Variants in FHIT observed in about 807,000 individuals in gnomAD.
The protein encoded by FHIT is bis(5'-adenosyl)-triphosphatase.
A neutral mutation model predicts 17.9 loss-of-function variants in FHIT; 19 were observed. The observed-to-expected ratio is 1.06, with a 90% CI of 0.74 to 1.56. The LOEUF is 1.56. Ranked by LOEUF, FHIT falls within the 40% of genes most tolerant of loss-of-function variation. The probability of loss-of-function intolerance (pLI) is 0.00; values close to 1 mark genes in which losing one functional copy is unlikely to be tolerated. For missense variants in FHIT, 248 were observed against 189.2 expected (o/e 1.31, Z -1.82); for synonymous variants, 81 against 69.7 (o/e 1.16, Z -0.81).
At chr3:61,133,801 G>A (rs947708028) in intron 2 of FHIT, among the ~76,000 whole-genome samples, 2 of 152,100 alleles carry the variant, frequency 1.3e-5, no homozygotes, top group Admixed American at 1.3e-4. Flanking sequence ...AGAGGTCAAG[G>A]AGCCAGGCAC....
chr3:61,058,072 C>G (rs1308138057), intron 2 of FHIT, among the ~76,000 whole-genome samples: 1 of 151,916 alleles, frequency 6.6e-6, no homozygotes, highest in Non-Finnish European at 1.5e-5. Flanking sequence ...AAAGACAAAA[C>G]AACACCTACA....
chr3:60,311,487 ACTGTGTTTTTCCAAAC>A (rs1708944334), intron 5 of FHIT, among the ~76,000 whole-genome samples: 4 of 152,160 alleles, frequency 2.6e-5, no homozygotes, highest in African/African-American at 9.7e-5. Context: ...CTATATGGCT[ACTGTGTTTTTCCAAAC>A]ACAAGACTGC....
At chr3:60,692,981 GGAATC>G (rs1553699830) in intron 4 of FHIT, among the ~76,000 whole-genome samples, 1 of 152,128 alleles carries the variant, frequency 6.6e-6, no homozygotes, top group African/African-American at 2.4e-5. Context: ...ACAGCATAAG[GGAATC>G]ACCTGTTGAA....
intron 3 of FHIT, among the ~76,000 whole-genome samples, chr3:60,910,410 C>CTTTT (rs539012384): frequency 7.2e-6 from 1 of 138,138 alleles, no homozygotes; most frequent in Non-Finnish European, 1.6e-5. Flanking sequence ...GTCTTTCTCT[C>CTTTT]TTTTTTTTTT....
intron 5 of FHIT, among the ~76,000 whole-genome samples, chr3:60,523,299 T>C (rs1322920853): frequency 2.0e-5 from 3 of 152,230 alleles, no homozygotes; most frequent in African/African-American, 4.8e-5. Flanking sequence ...ACTTTCCTTT[T>C]ACTACTTCTT....
At chr3:60,820,740 G>A (rs1476245833) in intron 4 of FHIT, among the ~76,000 whole-genome samples, 2 of 152,096 alleles carry the variant, frequency 1.3e-5, no homozygotes, top group Admixed American at 1.3e-4. Flanking sequence ...AAGGAATACA[G>A]TATCTTTGTG....
chr3:61,172,295 G>T (rs1443429424), intron 2 of FHIT, among the ~76,000 whole-genome samples: 1 of 152,118 alleles, frequency 6.6e-6, no homozygotes, highest in Non-Finnish European at 1.5e-5. Flanking sequence ...AAGATGCAGT[G>T]ATCTCTAATG....
At chr3:60,788,044 T>C (rs1454098843) in intron 4 of FHIT, among the ~76,000 whole-genome samples, 1 of 152,210 alleles carries the variant, frequency 6.6e-6, no homozygotes, top group Admixed American at 6.5e-5. Flanking sequence ...GTCCCATGAC[T>C]TCAGTGTTAA....
chr3:60,685,688 G>C (rs2040846567), intron 4 of FHIT, among the ~76,000 whole-genome samples: 1 of 151,958 alleles, frequency 6.6e-6, no homozygotes, highest in Non-Finnish European at 1.5e-5. Flanking sequence ...TCTTTTTACA[G>C]TCTACCTAGA....
In FHIT at chr3:60,548,529, C is replaced by T. The variant is rs547519997; in HGVS notation, c.-17-11550G>A. 3.6e-4 allele frequency among the ~76,000 whole-genome samples: 55 copies of T among 152,254 alleles called. 1 individual carries two copies. The South Asian group carries it at 8.3e-3, about 23-fold the overall frequency. Reference sequence around the variant, plus strand: ...TTCTAATCAACAGATTACCTGAAAACATTTCCATCCCATTTCATGATTTCT... The same window carrying T: ...TTCTAATCAACAGATTACCTGAAAATATTTCCATCCCATTTCATGATTTCT... On this transcript the variant is annotated intron_variant, in intron 4 of 9. Transcript: ENST00000492590.
chr3:60,441,285 T>C (rs948302972), intron 5 of FHIT, among the ~76,000 whole-genome samples: 1 of 152,090 alleles, frequency 6.6e-6, no homozygotes, highest in African/African-American at 2.4e-5. Context: ...AGTTTGACCA[T>C]GTCAATGCAG....
At chr3:60,010,055 T>C (rs1379617634) in intron 7 of FHIT, among the ~76,000 whole-genome samples, 1 of 152,226 alleles carries the variant, frequency 6.6e-6, no homozygotes, top group East Asian at 1.9e-4. Flanking sequence ...GCTGAAGGAA[T>C]TCCATCAAAT....
At chr3:60,142,295 G>A (rs1700070967) in intron 5 of FHIT, among the ~76,000 whole-genome samples, 1 of 152,168 alleles carries the variant, frequency 6.6e-6, no homozygotes, top group South Asian at 2.1e-4. Context: ...TGTGGGAACT[G>A]AATTGGGTAC....
At chr3:61,056,587 T>C (rs895317755) in intron 2 of FHIT, among the ~76,000 whole-genome samples, 1 of 152,014 alleles carries the variant, frequency 6.6e-6, no homozygotes, top group Admixed American at 6.5e-5. Context: ...CACTGAACAA[T>C]GACTTGAATG....
intron 4 of FHIT, chr3:60,729,988 T>C (rs1300718456): frequency 1.1e-5 from 3 of 272,028 alleles, no homozygotes; most frequent in African/African-American, 4.6e-5. Flanking sequence ...GCCTATGACG[T>C]TATCACCAAG....
chr3:60,420,901 C>T (rs940156672), intron 5 of FHIT, among the ~76,000 whole-genome samples: 1 of 152,104 alleles, frequency 6.6e-6, no homozygotes. Flanking sequence ...CATCTCTCCA[C>T]CCCACATCGT....
intron 5 of FHIT, among the ~76,000 whole-genome samples, chr3:60,457,641 G>A (rs2032189953): frequency 6.6e-6 from 1 of 151,984 alleles, no homozygotes; most frequent in African/African-American, 2.4e-5. Context: ...AGAGTGAACA[G>A]GCAACCTACA....
chr3:61,196,706 A>G (rs1451866692), intron 2 of FHIT, among the ~76,000 whole-genome samples: 1 of 152,172 alleles, frequency 6.6e-6, no homozygotes, highest in Non-Finnish European at 1.5e-5. Flanking sequence ...CAAAAATTCC[A>G]TTAACACTCC....
At chr3:60,466,603 A>G (rs928126132) in intron 5 of FHIT, among the ~76,000 whole-genome samples, 3 of 152,080 alleles carry the variant, frequency 2.0e-5, no homozygotes, top group African/African-American at 7.2e-5. Context: ...ATTTTATGAA[A>G]TGCTTTTTCA....
Sources: allele counts gnomAD v4.1 joint callset (sites outside exome capture counted in the v4.1 genomes callset), GRCh38; gene constraint gnomAD v4.1.1; transcripts MANE v1.5; gene names NCBI Gene and HGNC (gene_info 2026-07-23, HGNC 2026-07-21).